Variants in HMX1 observed in about 807,000 individuals in gnomAD.
HMX1 encodes H6 family homeobox 1, also known as homeobox protein HMX1.
A neutral mutation model predicts 8.9 loss-of-function variants in HMX1; 8 were observed. The ratio of observed to expected loss-of-function variants is 0.90; its 90% CI spans 0.53 to 1.63. HMX1 has a LOEUF of 1.63. Ranked by LOEUF, HMX1 falls within the 40% of genes most tolerant of loss-of-function variation. HMX1 has a pLI of 0.00. For missense variants in HMX1, 621 were observed against 558.5 expected, an observed-to-expected ratio of 1.11 and a Z score of -1.13; for synonymous variants, 311 against 283.4, an observed-to-expected ratio of 1.10 and a Z score of -0.98.
chr4:8,860,992 G>A (rs1222277344), intron 1 of HMX1, among the ~76,000 whole-genome samples: 4 of 135,792 alleles, frequency 2.9e-5, no homozygotes, highest in Admixed American at 7.2e-5. Flanking sequence ...GGCGGGGCCG[G>A]AACCGCGGGG....
chr4:8,856,122 G>A (rs967138694), intron 1 of HMX1, among the ~76,000 whole-genome samples: 4 of 152,190 alleles, frequency 2.6e-5, no homozygotes, highest in Admixed American at 6.5e-5. Context: ...GCGCTGGACC[G>A]TCTCAGCTCA....
Position 8,848,971 on chromosome 4 carries a change from C to A in HMX1, c.395-2647G>T, listed in dbSNP as rs1383975101. On this transcript the variant is annotated intron_variant, in intron 1 of 1. Coordinates refer to the HMX1 transcript ENST00000506970. The surrounding 1 kb of genome is among the most constrained non-coding windows in gnomAD (Gnocchi z 4.1). ...AGCAGAGGGTAACCTGTCCAGCTCA[C>A]GTTACCGCAGGAGCAATTCCTCCTC... 6.6e-6 allele frequency among the ~76,000 whole-genome samples: 1 copy of A among 152,180 alleles called. No homozygotes were observed. The highest frequency in any genetic ancestry group is 1.5e-5 in the Non-Finnish European group (1 of 68,038).
At chr4:8,854,555 C>T (rs887542808) in intron 1 of HMX1, among the ~76,000 whole-genome samples, 2 of 152,226 alleles carry the variant, frequency 1.3e-5, no homozygotes, top group African/African-American at 4.8e-5. Flanking sequence ...CCAGCCTGCT[C>T]CCTGTGGAAT....
intron 1 of HMX1, among the ~76,000 whole-genome samples, chr4:8,858,339 C>T (rs892170719): frequency 1.3e-5 from 2 of 151,904 alleles, no homozygotes; most frequent in Non-Finnish European, 2.9e-5. Flanking sequence ...TGCCGACCGG[C>T]AGAGAAAGAG....
chr4:8,861,940 GA>G (rs2109465810), intron 1 of HMX1, among the ~76,000 whole-genome samples: 1 of 152,378 alleles, frequency 6.6e-6, no homozygotes, highest in African/African-American at 2.4e-5. Flanking sequence ...AGCGAAGTCG[GA>G]ACCACGTCCG....
rs1309859114 is a variant in HMX1 at position 8,871,558 on chromosome 4, G to A, written c.57C>T (p.Phe19=). ...GRATPARASS[F]LIENLLAAEA... ...CGGCCGCCAGCAGGTTCTCGATGAG[G>A]AAGGAGGAGGCGCGGGCCGGCGTGG... The change falls in exon 1 of 2, where the codon TTC becomes TTT. Residue 19 remains phenylalanine (F), a synonymous_variant. Coordinates refer to ENST00000400677, the MANE Select transcript of HMX1 (RefSeq NM_018942.3). The surrounding 1 kb of genome is among the most constrained non-coding windows in gnomAD (Gnocchi z 4.8). 1.5e-6 allele frequency: 2 copies of A among 1,361,954 alleles called. No individual in the cohort carries two copies. Among genetic ancestry groups the A allele is most frequent in the Non-Finnish European group, 9.5e-7 (1 of 1,054,006 alleles). The allele number at this position is 1,361,954 out of a possible 1,614,324, so 84.4% of individuals were successfully genotyped here.
chr4:8,857,952 G>GGGGAGAGGA (rs1721667767), intron 1 of HMX1, among the ~76,000 whole-genome samples: 1 of 152,118 alleles, frequency 6.6e-6, no homozygotes, highest in Non-Finnish European at 1.5e-5. Flanking sequence ...TCGGGCGCTC[G>GGGGAGAGGA]GGGAGAGGAG....
chr4:8,868,377 C>A lies in HMX1; in HGVS notation c.395-32G>T. The A allele has an allele frequency of 3.7e-6, 5 of 1,340,138 alleles. No individual in the cohort carries two copies. Among genetic ancestry groups the A allele is most frequent in the Non-Finnish European group, 4.8e-6 (5 of 1,048,978 alleles). 83.0% of individuals were successfully genotyped at this position (1,340,138 alleles called of 1,614,324 possible). ...GGGAGAGAGGGCACCACCGTTGGTT[C>A]TAGGGCACTGATTACCAGACTCAAT... On this transcript the variant is annotated intron_variant, in intron 1 of 1. Coordinates refer to ENST00000400677, the MANE Select transcript of HMX1 (RefSeq NM_018942.3). This position sits in a 1 kb window ranked among gnomAD's most constrained non-coding sequence, Gnocchi z 4.6.
intron 1 of HMX1, among the ~76,000 whole-genome samples, chr4:8,854,959 CTTCT>C (rs1162221038): frequency 6.6e-6 from 1 of 152,234 alleles, no homozygotes; most frequent in Admixed American, 6.5e-5. Flanking sequence ...AAGCACTCAA[CTTCT>C]TTCTTCCCCC....
chr4:8,854,243 G>A (rs1363768395), intron 1 of HMX1, among the ~76,000 whole-genome samples: 2 of 152,230 alleles, frequency 1.3e-5, no homozygotes, highest in Non-Finnish European at 2.9e-5. Context: ...CACCCCTGGA[G>A]GGTAACAGCT....
chr4:8,847,620 G>T lies in HMX1; in HGVS notation c.395-1296C>A, dbSNP rs1721317656. On this transcript the variant is annotated intron_variant, in intron 1 of 1. Transcript: ENST00000506970. The surrounding 1 kb of genome is among the most constrained non-coding windows in gnomAD (Gnocchi z 6.0). ...CCCCACAGAGATGCTTCTGCTCAGGGCCAAGGGCTCCCAGGTCACAGATGT... is the reference window on the plus strand; with the variant it reads ...CCCCACAGAGATGCTTCTGCTCAGGTCCAAGGGCTCCCAGGTCACAGATGT... Among the ~76,000 whole-genome samples the T allele has an allele frequency of 6.6e-6, 1 of 152,212 alleles. No homozygotes were observed. Among genetic ancestry groups the T allele is most frequent in the Non-Finnish European group, 1.5e-5 (1 of 68,046 alleles).
intron 1 of HMX1, among the ~76,000 whole-genome samples, chr4:8,850,397 T>C (rs751039753): frequency 6.6e-6 from 1 of 152,076 alleles, no homozygotes; most frequent in Non-Finnish European, 1.5e-5. Context: ...CGGTCTCCAC[T>C]GGCCCTGCTG....
At position 8,871,576 on chromosome 4, in the gene HMX1, C is replaced by A; in HGVS notation, c.39G>T (p.Pro13=). 7.4e-7 allele frequency: 1 copy of A among 1,347,798 alleles called. No homozygotes were observed. The allele number at this position is 1,347,798 out of a possible 1,614,324, so 83.5% of individuals were successfully genotyped here. A position where few individuals can be genotyped will look rare whatever the true frequency, so the allele number is the denominator to read the frequency against. ...DELTEPGRAT[P]ARASSFLIEN... ...CGATGAGGAAGGAGGAGGCGCGGGCCGGCGTGGCGCGCCCGGGCTCCGTCA... is the reference window on the plus strand; with the variant it reads ...CGATGAGGAAGGAGGAGGCGCGGGCAGGCGTGGCGCGCCCGGGCTCCGTCA... Residue 13 remains proline, a synonymous_variant, in exon 1 of 2, where the codon CCG becomes CCT. Transcript: ENST00000400677. This position sits in a 1 kb window ranked among gnomAD's most constrained non-coding sequence, Gnocchi z 4.8.
downstream of HMX1, among the ~76,000 whole-genome samples, chr4:8,863,158 G>A (rs1393677365): frequency 6.6e-6 from 1 of 152,194 alleles, no homozygotes; most frequent in Admixed American, 6.5e-5. Context: ...AGGCGGGGAG[G>A]AACAGCAGCA....
chr4:8,846,414 G>T, intron 1 of HMX1: 1 of 1,033,486 alleles, frequency 9.7e-7, no homozygotes, highest in Non-Finnish European at 1.4e-6. Flanking sequence ...CCAGCCACAT[G>T]GCTCAAAACC....
At chr4:8,854,794 A>G (rs2109457080) in intron 1 of HMX1, among the ~76,000 whole-genome samples, 1 of 152,378 alleles carries the variant, frequency 6.6e-6, no homozygotes, top group Non-Finnish European at 1.5e-5. Flanking sequence ...TGAAGTCTAA[A>G]GTAACAGTAG....
chr4:8,854,905 G>A (rs939642421), intron 1 of HMX1, among the ~76,000 whole-genome samples: 1 of 152,212 alleles, frequency 6.6e-6, no homozygotes, highest in Non-Finnish European at 1.5e-5. Context: ...ATACAGAAGC[G>A]TGCAAAACAA....
chr4:8,869,366 C>T (rs1249695703), intron 1 of HMX1, among the ~76,000 whole-genome samples: 2 of 152,228 alleles, frequency 1.3e-5, no homozygotes, highest in African/African-American at 4.8e-5. Context: ...CTCGGACCCG[C>T]TGCTTTTCTG....
In HMX1 at chr4:8,870,705, A is replaced by C. The variant is rs1275327460; in HGVS notation, c.394+516T>G. On this transcript the variant is annotated intron_variant, in intron 1 of 1. Transcript: ENST00000400677. The surrounding 1 kb of genome is among the most constrained non-coding windows in gnomAD (Gnocchi z 4.4). ...GCTCAATGCCCCCTTTTATTTTTCC[A>C]CGTCTGATGCTACTTTGTCTCCCTT... 7.9e-6 allele frequency among the ~76,000 whole-genome samples: 1 copy of C among 126,496 alleles called. No homozygotes were observed. The highest frequency in any genetic ancestry group is 1.6e-5 in the Non-Finnish European group (1 of 62,080). The allele number at this position is 126,496 out of a possible 152,430, so 83.0% of individuals were successfully genotyped here.
Sources: allele counts gnomAD v4.1 joint callset (sites outside exome capture counted in the v4.1 genomes callset), GRCh38; gene constraint gnomAD v4.1.1; non-coding constraint Gnocchi (gnomAD v3.1); transcripts MANE v1.5; gene names NCBI Gene and HGNC (gene_info 2026-07-23, HGNC 2026-07-21).